The following MGAM2 variants were observed in gnomAD, a reference collection of about 807,000 sequenced individuals.
MGAM2 encodes probable maltase-glucoamylase 2.
A neutral mutation model predicts 96.1 loss-of-function variants in MGAM2; 98 were observed. That is an observed-to-expected ratio of 1.02 (90% CI 0.87 to 1.21). The LOEUF (loss-of-function observed/expected upper bound fraction) is 1.21, where lower values mean the gene tolerates loss of function less well. MGAM2 is among the 50% of genes most tolerant of loss of function. The probability of loss-of-function intolerance (pLI) is 0.00; values close to 1 mark genes in which losing one functional copy is unlikely to be tolerated. For synonymous variants in MGAM2, 749 were observed against 414.8 expected, an observed-to-expected ratio of 1.81 and a Z score of -9.79; for missense variants, 2,055 against 1,182.4, an observed-to-expected ratio of 1.74 and a Z score of -10.82.
At chr7:142,182,773 A>G (rs1036703556) in intron 32 of MGAM2, among the ~76,000 whole-genome samples, 3 of 151,826 alleles carry the variant, frequency 2.0e-5, no homozygotes, top group African/African-American at 7.3e-5. Context: ...TCCCTCTTAC[A>G]CCTCAGTGTT....
chr7:142,160,006 A>G, intron 20 of MGAM2, 128 bp from the exon 21 acceptor site: 1 of 582,776 alleles, frequency 1.7e-6, no homozygotes, highest in Non-Finnish European at 3.0e-6. Flanking sequence ...TCAGCAAGTC[A>G]CTTCACTTTG....
chr7:142,140,433 T>A (rs1795186538), intron 10 of MGAM2, among the ~76,000 whole-genome samples: 1 of 152,216 alleles, frequency 6.6e-6, no homozygotes, highest in Non-Finnish European at 1.5e-5. Flanking sequence ...ATGCTTGGGT[T>A]AAGTTAGTAC....
chr7:142,184,853 T>G (rs536270829), intron 33 of MGAM2, among the ~76,000 whole-genome samples: 2 of 151,478 alleles, frequency 1.3e-5, no homozygotes, highest in South Asian at 4.3e-4. Context: ...TTCAGTTAAT[T>G]ATTAAATTCA....
chr7:142,127,914 A>G (rs563461928), intron 3 of MGAM2, among the ~76,000 whole-genome samples: 13 of 152,308 alleles, frequency 8.5e-5, no homozygotes, highest in African/African-American at 2.9e-4. Context: ...GCTGCTGTAA[A>G]GATACCTGAA....
intron 3 of MGAM2, among the ~76,000 whole-genome samples, chr7:142,127,603 G>T (rs538952013): frequency 6.6e-6 from 1 of 152,140 alleles, no homozygotes; most frequent in East Asian, 1.9e-4. Flanking sequence ...TGGGCCAGGT[G>T]GAGATAATTG....
At chr7:142,131,240 C>A (rs1563250938) in intron 4 of MGAM2, among the ~76,000 whole-genome samples, 169 bp downstream of exon 4, 1 of 152,302 alleles carries the variant, frequency 6.6e-6, no homozygotes. Flanking sequence ...GAGTTCAAGA[C>A]CAGCCTGACC....
intron 15 of MGAM2, among the ~76,000 whole-genome samples, chr7:142,150,042 A>G (rs1795523767): frequency 6.6e-6 from 1 of 151,400 alleles, no homozygotes; most frequent in Non-Finnish European, 1.5e-5. Flanking sequence ...CCCGGGTTCA[A>G]GCGATTTTCC....
intron 43 of MGAM2, 45 bp downstream of exon 43, chr7:142,198,240 G>C (rs778417142): frequency 3.5e-5 from 24 of 690,606 alleles, no homozygotes; most frequent in Middle Eastern, 2.3e-4. Flanking sequence ...GTCTATGCAG[G>C]GTGGAGAGGT....
At chr7:142,182,549 C>T (rs147862212) in intron 32 of MGAM2, among the ~76,000 whole-genome samples, 25 of 152,316 alleles carry the variant, frequency 1.6e-4, no homozygotes, top group African/African-American at 4.6e-4. Flanking sequence ...AGAACCTTCT[C>T]GTCTCCGCAC....
chr7:142,132,395 A>G (rs1794916007), intron 6 of MGAM2, among the ~76,000 whole-genome samples: 1 of 142,546 alleles, frequency 7.0e-6, no homozygotes, highest in Non-Finnish European at 1.5e-5. Context: ...TATAATATAT[A>G]ATTATATAAT....
In MGAM2 at chr7:142,144,868, A is replaced by G; in HGVS notation, c.1439A>G (p.Asn480Ser). Reference protein sequence around the residue: ...LEFDGVWIEMNEVSSLLQASN... With the variant: ...LEFDGVWIEMSEVSSLLQASN... ...TGTTTTGTGTCTTTGAAGGAAATGA[A>G]TGAAGTATCTAGCTTACTCCAAGCT... Residue 480 changes from asparagine to serine, a missense_variant, in exon 14 of 48, where the codon AAT becomes AGT. Transcript: ENST00000477922. The G allele has an allele frequency of 1.4e-6, 1 of 701,418 alleles. No homozygotes were observed. The highest frequency in any genetic ancestry group is 2.6e-6 in the Non-Finnish European group (1 of 384,370). 43.4% of individuals were successfully genotyped at this position (701,418 alleles called of 1,614,324 possible). A position where few individuals can be genotyped will look rare whatever the true frequency, so the allele number is the denominator to read the frequency against.
At chr7:142,120,182 C>A (rs575449179) in intron 2 of MGAM2, 120 bp from the exon 3 acceptor site, 2 of 602,386 alleles carry the variant, frequency 3.3e-6, no homozygotes, top group South Asian at 2.0e-5. Flanking sequence ...AATGTAGATA[C>A]CAGCTACCGG....
chr7:142,114,945 G>A (rs577590426), intron 1 of MGAM2, among the ~76,000 whole-genome samples: 11 of 152,252 alleles, frequency 7.2e-5, no homozygotes, highest in African/African-American at 1.7e-4. Context: ...TTACAGGCAC[G>A]GTGGCTCATG....
At chr7:142,128,079 G>A (rs1278599334) in intron 3 of MGAM2, among the ~76,000 whole-genome samples, 1 of 152,120 alleles carries the variant, frequency 6.6e-6, no homozygotes, top group Admixed American at 6.5e-5. Flanking sequence ...GTTGGGAACT[G>A]GAATAAAGGT....
rs1795205637 is a variant in MGAM2, at chr7:142,140,946, A to C, written c.1218+13A>C. The stretch of plus-strand genomic sequence containing the variant: ...TCTTATTATTATGGTATGTTCAAAC[A>C]CTTGTTACCTTATTTTTTCCTTTGT... On this transcript the variant is annotated intron_variant, in intron 11 of 47. Coordinates refer to ENST00000477922, the MANE Select transcript of MGAM2 (RefSeq NM_001293626.2). 3 of 698,344 alleles carry C rather than the reference A, an allele frequency of 4.3e-6. No homozygotes were observed. The highest frequency in any genetic ancestry group is 1.8e-5 in the African/African-American group (1 of 56,932). The allele number at this position is 698,344 out of a possible 1,614,324, so 43.3% of individuals were successfully genotyped here.
chr7:142,161,994 C>A lies in MGAM2; in HGVS notation c.2474C>A (p.Ser825Tyr). 1.4e-6 allele frequency: 1 copy of A among 693,672 alleles called. No homozygotes were observed. Among genetic ancestry groups the A allele is most frequent in the Non-Finnish European group, 2.6e-6 (1 of 381,734 alleles). 43.0% of individuals were successfully genotyped at this position (693,672 alleles called of 1,614,324 possible). Residue 825 changes from serine to tyrosine, a missense_variant, in exon 23 of 48, where the codon TCT becomes TAT. Ser to Tyr is a moderately radical substitution (Grantham distance 144, BLOSUM62 -2). Coordinates refer to ENST00000477922, the MANE Select transcript of MGAM2 (RefSeq NM_001293626.2). ...TEKKYILYDF[S>Y]VTSNHLQAKI... is the part of the protein sequence containing the mutation. ...AAGAAGTATATTCTATATGATTTCT[C>A]TGTTACCTCTGTAAGTATTTTGTTT...
chr7:142,116,793 T>C, intron 1 of MGAM2, 81 bp from the exon 2 acceptor site: 1 of 689,796 alleles, frequency 1.4e-6, no homozygotes, highest in Non-Finnish European at 2.7e-6. Context: ...CAATTCCACA[T>C]TTGGATACAA....
At chr7:142,219,072 A>G (rs1399424414) in intron 47 of MGAM2, among the ~76,000 whole-genome samples, 2 of 152,194 alleles carry the variant, frequency 1.3e-5, no homozygotes, top group Non-Finnish European at 1.5e-5. Flanking sequence ...AGCAGGCCCT[A>G]CTAGAGGATT....
At chr7:142,136,497 T>C in intron 7 of MGAM2, 44 bp from the exon 8 acceptor site, 1 of 598,586 alleles carries the variant, frequency 1.7e-6, no homozygotes, top group South Asian at 2.0e-5. Flanking sequence ...ATGAAAACTT[T>C]CTCAACACAT....
Sources: gnomAD v4.1 joint callset for allele counts (sites outside exome capture counted in the v4.1 genomes callset) on GRCh38, gnomAD v4.1.1 for gene constraint, MANE v1.5 for transcripts, NCBI Gene and HGNC (gene_info 2026-07-23, HGNC 2026-07-21) for gene names.